The following BMAL1 variants were observed in gnomAD, a reference collection of about 807,000 sequenced individuals.
BMAL1 encodes basic helix-loop-helix ARNT like 1.
the BMAL1 span, among the ~76,000 whole-genome samples, chr11:13,368,791 CAT>C: frequency 6.6e-6 from 1 of 152,140 alleles, no homozygotes; most frequent in Non-Finnish European, 1.5e-5. Flanking sequence ...CCAATAAAAA[CAT>C]AATGCAAACC....
At chr11:13,366,274 C>G in the BMAL1 span, among the ~76,000 whole-genome samples, 1 of 152,198 alleles carries the variant, frequency 6.6e-6, no homozygotes, top group African/African-American at 2.4e-5. Flanking sequence ...TTGCTGTTAT[C>G]TCTGTTAATA....
At chr11:13,339,749 A>ACTGCCTCCCTCCTGTGGT in the BMAL1 span, among the ~76,000 whole-genome samples, 3 of 151,974 alleles carry the variant, frequency 2.0e-5, no homozygotes, top group Non-Finnish European at 4.4e-5. Flanking sequence ...GGCCTTTCTA[A>ACTGCCTCCCTCCTGTGGT]CTGCCTCCCT....
the BMAL1 span, among the ~76,000 whole-genome samples, chr11:13,342,827 GT>G: frequency 6.6e-6 from 1 of 152,188 alleles, no homozygotes; most frequent in African/African-American, 2.4e-5. Flanking sequence ...ACTGGCCTGT[GT>G]TTAAATCTGC....
At chr11:13,366,803 G>A in the BMAL1 span, 12 of 1,600,172 alleles carry the variant, frequency 7.5e-6, no homozygotes, top group Admixed American at 5.0e-5. Flanking sequence ...GAGAGGCCTC[G>A]CATTTCCTCA....
At chr11:13,372,268 G>T in the BMAL1 span, 3 of 1,614,188 alleles carry the variant, frequency 1.9e-6, no homozygotes, top group Non-Finnish European at 2.5e-6. Flanking sequence ...AATGAGGGGT[G>T]TAACCTCAGC....
chr11:13,378,506 T>A, the BMAL1 span: 52 of 1,555,694 alleles, frequency 3.3e-5, no homozygotes, highest in Middle Eastern at 6.7e-4. Flanking sequence ...GGAAATTTTT[T>A]CCCCCAGGCA....
At chr11:13,365,472 A>G in the BMAL1 span, 2 of 1,595,038 alleles carry the variant, frequency 1.3e-6, no homozygotes, top group African/African-American at 1.3e-5. Context: ...ACAGTATGAG[A>G]AATTGATTAT....
At chr11:13,366,588 C>A in the BMAL1 span, 2 of 1,262,172 alleles carry the variant, frequency 1.6e-6, no homozygotes, top group Non-Finnish European at 1.1e-6. Context: ...AACATGCAGA[C>A]TGTGCATGCT....
chr11:13,316,822 C>T, the BMAL1 span, among the ~76,000 whole-genome samples: 1 of 152,200 alleles, frequency 6.6e-6, no homozygotes, highest in Non-Finnish European at 1.5e-5. Flanking sequence ...GTACATTTGC[C>T]AGCAGCAAAC....
the BMAL1 span, among the ~76,000 whole-genome samples, chr11:13,291,305 A>G: frequency 1.3e-5 from 2 of 152,238 alleles, no homozygotes; most frequent in African/African-American, 4.8e-5. Flanking sequence ...GCAACTACAT[A>G]TAGTTGCAAA....
At chr11:13,376,807 A>C in the BMAL1 span, 15 of 1,355,526 alleles carry the variant, frequency 1.1e-5, no homozygotes, top group Non-Finnish European at 1.5e-5. Context: ...TAAAGTATTC[A>C]GGGTCCCCTC....
the BMAL1 span, among the ~76,000 whole-genome samples, chr11:13,279,045 C>G: frequency 3.3e-5 from 5 of 152,288 alleles, no homozygotes; most frequent in Admixed American, 1.3e-4. Flanking sequence ...TCTCGCCGGC[C>G]GGTGAGAGAC....
chr11:13,315,381 A>T, the BMAL1 span, among the ~76,000 whole-genome samples: 2 of 152,300 alleles, frequency 1.3e-5, no homozygotes, highest in Admixed American at 6.5e-5. Flanking sequence ...CACCATTCCC[A>T]TGCCAGCATC....
chr11:13,328,864 A>C, the BMAL1 span, among the ~76,000 whole-genome samples: 1 of 152,224 alleles, frequency 6.6e-6, no homozygotes, highest in African/African-American at 2.4e-5. Flanking sequence ...AGCCCTGGGC[A>C]AAACACACGC....
the BMAL1 span, among the ~76,000 whole-genome samples, chr11:13,289,877 T>C: frequency 6.6e-6 from 1 of 152,242 alleles, no homozygotes; most frequent in African/African-American, 2.4e-5. Context: ...GCATGATTTA[T>C]AATCCTTTGG....
chr11:13,378,073 A>G, the BMAL1 span, among the ~76,000 whole-genome samples: 1 of 152,196 alleles, frequency 6.6e-6, no homozygotes, highest in Non-Finnish European at 1.5e-5. Flanking sequence ...GTGGTCTTCA[A>G]TAAACGTTTT....
At chr11:13,321,245 C>A in the BMAL1 span, among the ~76,000 whole-genome samples, 1 of 151,998 alleles carries the variant, frequency 6.6e-6, no homozygotes, top group Non-Finnish European at 1.5e-5. Flanking sequence ...TTTTTGCATT[C>A]CTTTTTCTAC....
chr11:13,341,251 G>T, the BMAL1 span, among the ~76,000 whole-genome samples: 1 of 152,148 alleles, frequency 6.6e-6, no homozygotes, highest in Non-Finnish European at 1.5e-5. Flanking sequence ...CTGATGCTCT[G>T]CAGGCTTCCT....
chr11:13,345,887 T>C, the BMAL1 span, among the ~76,000 whole-genome samples: 4 of 152,238 alleles, frequency 2.6e-5, no homozygotes, highest in South Asian at 6.2e-4. Flanking sequence ...TGCCTGTGTC[T>C]GTCAGCATAT....
Sources: gnomAD v4.1 joint callset for allele counts (sites outside exome capture counted in the v4.1 genomes callset) on GRCh38, gnomAD v4.1.1 for gene constraint, MANE v1.5 for transcripts, NCBI Gene and HGNC (gene_info 2026-07-23, HGNC 2026-07-21) for gene names.